Variants in ERC2 observed in about 807,000 individuals in gnomAD.
ERC2 encodes the protein ERC protein 2.
A neutral mutation model predicts 114.8 loss-of-function variants in ERC2; 42 were observed. That is an observed-to-expected ratio of 0.37 (90% CI 0.29 to 0.47). The LOEUF (loss-of-function observed/expected upper bound fraction) is 0.47. Ranked by LOEUF, ERC2 falls within the 20% of genes least tolerant of loss-of-function variation. The pLI, the probability that ERC2 is intolerant of heterozygous loss-of-function variation, is 0.99. For synonymous variants in ERC2, 454 were observed against 425.5 expected (o/e 1.07, Z -0.82); for missense variants, 939 against 1,150.7 (o/e 0.82, Z 2.66).
chr3:56,463,896 T>C (rs1308994103), intron 1 of ERC2, among the ~76,000 whole-genome samples: 1 of 152,238 alleles, frequency 6.6e-6, no homozygotes, highest in African/African-American at 2.4e-5. Context: ...AATAAAACTG[T>C]GTTCACCACT....
chr3:56,354,240 T>C (rs1001075173), intron 2 of ERC2, among the ~76,000 whole-genome samples: 1 of 152,256 alleles, frequency 6.6e-6, no homozygotes, highest in African/African-American at 2.4e-5. Flanking sequence ...ATTTATTCTC[T>C]CCACAGACAA....
chr3:56,463,446 T>A (rs1329285390), intron 1 of ERC2, among the ~76,000 whole-genome samples: 1 of 152,136 alleles, frequency 6.6e-6, no homozygotes, highest in Non-Finnish European at 1.5e-5. Context: ...CCAACTCTCA[T>A]GGCCACTCTA....
intron 2 of ERC2, among the ~76,000 whole-genome samples, chr3:56,416,173 T>C (rs546544004): frequency 1.9e-4 from 29 of 152,264 alleles, no homozygotes; most frequent in Admixed American, 5.9e-4. Flanking sequence ...GCTTTCTCTT[T>C]TTGATGTACC....
At chr3:55,729,682 A>G (rs2065124818) in intron 15 of ERC2, among the ~76,000 whole-genome samples, 1 of 151,448 alleles carries the variant, frequency 6.6e-6, no homozygotes, top group Non-Finnish European at 1.5e-5. Flanking sequence ...AAAAAATAAT[A>G]ATAAAACAAG....
Position 55,586,942 on chromosome 3 carries a change from C to A in ERC2, c.*40-75666G>T, listed in dbSNP as rs531571206. ...ATATAATTGAAATCTTCCTCCCACT[C>A]ATCCCTGTTTTCATTCTATTCCCTC... On this transcript the variant is annotated intron_variant, in intron 17 of 17. Transcript: ENST00000288221. 2.6e-5 allele frequency among the ~76,000 whole-genome samples: 4 copies of A among 152,298 alleles called. No individual in the cohort carries two copies. In the South Asian group the frequency reaches 8.3e-4, roughly 32 times the overall value.
chr3:55,647,789 A>G (rs1287760233), intron 17 of ERC2, among the ~76,000 whole-genome samples: 1 of 152,210 alleles, frequency 6.6e-6, no homozygotes, highest in African/African-American at 2.4e-5. Context: ...TTCATGTTTC[A>G]ATCCCAGAAC....
chr3:55,556,391 C>A (rs972119947), intron 17 of ERC2, among the ~76,000 whole-genome samples: 1 of 152,162 alleles, frequency 6.6e-6, no homozygotes, highest in African/African-American at 2.4e-5. Context: ...GCTCCACAGC[C>A]CCCATTCACC....
intron 3 of ERC2, among the ~76,000 whole-genome samples, chr3:56,248,638 G>A (rs1576071478): frequency 6.6e-6 from 1 of 152,266 alleles, no homozygotes; most frequent in Non-Finnish European, 1.5e-5. Context: ...AATGGCTAAG[G>A]CAAAGACATA....
intron 16 of ERC2, among the ~76,000 whole-genome samples, chr3:55,698,886 C>G (rs2063076172): frequency 6.6e-6 from 1 of 152,116 alleles, no homozygotes. Flanking sequence ...GGGTCCAAAT[C>G]AAATAAACCA....
At chr3:56,320,206 A>G (rs984969405) in intron 2 of ERC2, among the ~76,000 whole-genome samples, 3 of 152,224 alleles carry the variant, frequency 2.0e-5, no homozygotes, top group African/African-American at 7.2e-5. Context: ...AAGAGATTTC[A>G]AAAACAACCA....
intron 7 of ERC2, among the ~76,000 whole-genome samples, chr3:56,035,488 T>A (rs1213409470): frequency 6.6e-6 from 1 of 152,204 alleles, no homozygotes; most frequent in African/African-American, 2.4e-5. Flanking sequence ...ATTCACGTGT[T>A]GGAGACTTAA....
At chr3:56,322,369 A>G (rs1449462699) in intron 2 of ERC2, among the ~76,000 whole-genome samples, 1 of 152,208 alleles carries the variant, frequency 6.6e-6, no homozygotes, top group Non-Finnish European at 1.5e-5. Context: ...CACCACTTGC[A>G]TCAAGAGTTT....
At chr3:55,853,438 T>C (rs1371378031) in intron 14 of ERC2, among the ~76,000 whole-genome samples, 1 of 152,078 alleles carries the variant, frequency 6.6e-6, no homozygotes, top group South Asian at 2.1e-4. Flanking sequence ...GAGGGGAGGA[T>C]GACTTGAGCC....
At chr3:55,683,445 C>T (rs1331814199) in intron 17 of ERC2, among the ~76,000 whole-genome samples, 7 of 152,166 alleles carry the variant, frequency 4.6e-5, no homozygotes, top group African/African-American at 7.2e-5. Context: ...CTGAAAACCA[C>T]GACTGGAGAA....
At chr3:56,346,775 C>T (rs1409922854) in intron 2 of ERC2, among the ~76,000 whole-genome samples, 1 of 152,128 alleles carries the variant, frequency 6.6e-6, no homozygotes. Context: ...TATTTCTCAC[C>T]GTTCTGGAGA....
intron 3 of ERC2, among the ~76,000 whole-genome samples, chr3:56,217,432 G>A (rs2049566796): frequency 6.6e-6 from 1 of 152,136 alleles, no homozygotes; most frequent in Non-Finnish European, 1.5e-5. Context: ...AACTTACAAG[G>A]GATGTGAAGG....
chr3:55,548,583 C>CTT (rs2054922906), intron 17 of ERC2, among the ~76,000 whole-genome samples: 1 of 152,214 alleles, frequency 6.6e-6, no homozygotes. Context: ...ATACGTGTGT[C>CTT]AGCAAGGAGC....
intron 13 of ERC2, among the ~76,000 whole-genome samples, chr3:55,923,307 G>A (rs528217551): frequency 4.5e-4 from 68 of 152,154 alleles, no homozygotes; most frequent in Non-Finnish European, 1.8e-4. Flanking sequence ...TGTATGACTC[G>A]GCTCATTTGA....
chr3:55,572,533 A>G (rs1432477236), intron 17 of ERC2, among the ~76,000 whole-genome samples: 1 of 152,210 alleles, frequency 6.6e-6, no homozygotes, highest in African/African-American at 2.4e-5. Context: ...AATAACGAAT[A>G]TTTATTGAGC....
Sources: allele counts gnomAD v4.1 joint callset (sites outside exome capture counted in the v4.1 genomes callset), GRCh38; gene constraint gnomAD v4.1.1; transcripts MANE v1.5; gene names NCBI Gene and HGNC (gene_info 2026-07-23, HGNC 2026-07-21).